DTWD2: variants seen among roughly 807,000 people sequenced by gnomAD.
DTWD2 encodes the protein tRNA-uridine aminocarboxypropyltransferase 2.
DTWD2 carries 39 observed loss-of-function variants against 31.8 expected under a neutral mutation model. The observed-to-expected ratio is 1.22, with a 90% CI of 0.95 to 1.60. DTWD2 has a LOEUF of 1.60. DTWD2 is among the 40% of genes most tolerant of loss of function. The pLI is 0.00. For missense variants in DTWD2, 515 were observed against 381.5 expected, an observed-to-expected ratio of 1.35 and a Z score of -2.92; for synonymous variants, 180 against 142.8, an observed-to-expected ratio of 1.26 and a Z score of -1.86.
intron 4 of DTWD2, among the ~76,000 whole-genome samples, chr5:118,855,510 C>G (rs1369219433): frequency 6.6e-6 from 1 of 151,580 alleles, no homozygotes; most frequent in African/African-American, 2.4e-5. Context: ...GTATATTATA[C>G]CAATAAAGAA....
chr5:118,867,589 T>C (rs1305366205), intron 4 of DTWD2, among the ~76,000 whole-genome samples: 1 of 152,194 alleles, frequency 6.6e-6, no homozygotes, highest in East Asian at 1.9e-4. Flanking sequence ...CTTAACTAAA[T>C]ATTATGGAAG....
At position 118,944,580 on chromosome 5, in the gene DTWD2, G is replaced by C; in HGVS notation, c.288C>G (p.Tyr96Ter). The change falls in exon 2 of 6, where the codon TAC becomes TAG. Residue 96 changes from tyrosine to a stop codon, truncating the protein, a stop_gained. Coordinates refer to ENST00000510708, the MANE Select transcript of DTWD2 (RefSeq NM_173666.4). LOFTEE classifies it high-confidence loss of function. ...AHPLHISTHL[Y>*]IIQHPAEENK... ...TTACCTCTGCTGGATGCTGAATTAT[G>C]TACAAGTGGGTAGAGATATGCAGAG... 1 of 1,613,474 alleles carries C rather than the reference G, an allele frequency of 6.2e-7. No individual in the cohort carries two copies. The highest frequency in any genetic ancestry group is 8.5e-7 in the Non-Finnish European group (1 of 1,179,680).
At chr5:118,943,799 C>T (rs576124580) in intron 2 of DTWD2, among the ~76,000 whole-genome samples, 61 of 152,186 alleles carry the variant, frequency 4.0e-4, no homozygotes, top group Middle Eastern at 3.4e-3. Flanking sequence ...TTCTTTTATA[C>T]CTCTGTTAAA....
At chr5:118,849,262 A>G (rs1309285156) in intron 4 of DTWD2, among the ~76,000 whole-genome samples, 1 of 152,210 alleles carries the variant, frequency 6.6e-6, no homozygotes, top group Non-Finnish European at 1.5e-5. Context: ...GTGGCCAACA[A>G]ACATAAGAAA....
At chr5:118,888,669 A>G (rs77798420) in intron 4 of DTWD2, among the ~76,000 whole-genome samples, 3,622 of 152,308 alleles carry the variant, frequency 0.024, 61 homozygotes, top group Non-Finnish European at 0.027. Context: ...TAACTTTTCA[A>G]GAAACTGCCA....
chr5:118,942,959 C>A (rs1754240225), intron 2 of DTWD2, among the ~76,000 whole-genome samples: 1 of 152,118 alleles, frequency 6.6e-6, no homozygotes, highest in Non-Finnish European at 1.5e-5. Flanking sequence ...TACACCACCA[C>A]ACTTGGCTAA....
At chr5:118,938,574 C>T (rs1754096604) in intron 3 of DTWD2, among the ~76,000 whole-genome samples, 1 of 151,940 alleles carries the variant, frequency 6.6e-6, no homozygotes, top group African/African-American at 2.4e-5. Context: ...ACTGGCCAGG[C>T]CCAGTGGCTC....
chr5:118,870,112 C>T (rs1045077281), intron 4 of DTWD2, among the ~76,000 whole-genome samples: 3 of 152,156 alleles, frequency 2.0e-5, no homozygotes, highest in Non-Finnish European at 2.9e-5. Flanking sequence ...CAACACTGTG[C>T]TTTGTGTACA....
intron 2 of DTWD2, among the ~76,000 whole-genome samples, chr5:118,941,001 AG>A (rs1754165890): frequency 6.6e-6 from 1 of 152,146 alleles, no homozygotes; most frequent in African/African-American, 2.4e-5. Flanking sequence ...TTTTACCCTT[AG>A]GTAATTTTAC....
At chr5:118,881,747 A>C (rs1752747162) in intron 4 of DTWD2, among the ~76,000 whole-genome samples, 1 of 152,188 alleles carries the variant, frequency 6.6e-6, no homozygotes. Flanking sequence ...TGCCACTTTT[A>C]AAACCATCAG....
chr5:118,927,907 A>C (rs913864466), intron 4 of DTWD2, among the ~76,000 whole-genome samples: 9 of 152,158 alleles, frequency 5.9e-5, no homozygotes, highest in African/African-American at 2.2e-4. Context: ...TTAATAACCA[A>C]ACATGACAGT....
intron 5 of DTWD2, among the ~76,000 whole-genome samples, chr5:118,846,773 G>A (rs1394239742): frequency 7.2e-5 from 11 of 152,078 alleles, no homozygotes; most frequent in Non-Finnish European, 2.9e-5. Flanking sequence ...ATGGGAGTAG[G>A]TGACATGGTT....
At chr5:118,844,064 C>T (rs1470381786) in intron 5 of DTWD2, among the ~76,000 whole-genome samples, 1 of 152,212 alleles carries the variant, frequency 6.6e-6, no homozygotes, top group Non-Finnish European at 1.5e-5. Flanking sequence ...GCCTGAGTGA[C>T]TGCAAATCAG....
chr5:118,878,764 T>C (rs1252031614), intron 4 of DTWD2, among the ~76,000 whole-genome samples: 1 of 151,546 alleles, frequency 6.6e-6, no homozygotes, highest in Non-Finnish European at 1.5e-5. Context: ...AAATTATGCA[T>C]CCAAAAAAGG....
rs75537247 is a variant in DTWD2, at chr5:118,947,535, G to C, written c.219-2886C>G. On this transcript the variant is annotated intron_variant, in intron 1 of 5. Coordinates refer to ENST00000510708, the MANE Select transcript of DTWD2 (RefSeq NM_173666.4). ...GTCAAACTGCAGTCCCTACCATACAGCTGCCTTTCCTCCTCTCCCCTTCTC... is the reference window on the plus strand; with the variant it reads ...GTCAAACTGCAGTCCCTACCATACACCTGCCTTTCCTCCTCTCCCCTTCTC... Among the ~76,000 whole-genome samples, 265 of 152,240 alleles carry C rather than the reference G, an allele frequency of 1.7e-3. 2 individuals are homozygous for C. Among genetic ancestry groups the C allele is most frequent in the Middle Eastern group, 6.8e-3 (2 of 294 alleles).
chr5:118,946,014 T>C (rs996751289), intron 1 of DTWD2, among the ~76,000 whole-genome samples: 45 of 152,212 alleles, frequency 3.0e-4, no homozygotes, highest in African/African-American at 9.2e-4. Context: ...TAAGAAATGC[T>C]TATTAATAAA....
intron 4 of DTWD2, among the ~76,000 whole-genome samples, chr5:118,866,777 C>T (rs968544897): frequency 6.6e-6 from 1 of 151,684 alleles, no homozygotes; most frequent in Non-Finnish European, 1.5e-5. Flanking sequence ...ATTAGCCAGG[C>T]GTGATGGCAC....
chr5:118,872,884 G>C (rs1425096660), intron 4 of DTWD2, among the ~76,000 whole-genome samples: 1 of 152,224 alleles, frequency 6.6e-6, no homozygotes, highest in Admixed American at 6.5e-5. Flanking sequence ...CCCACAGAGG[G>C]ACTGGAATGA....
chr5:118,950,731 G>C (rs1379336530), intron 1 of DTWD2, among the ~76,000 whole-genome samples: 1 of 152,222 alleles, frequency 6.6e-6, no homozygotes, highest in East Asian at 1.9e-4. Flanking sequence ...TAGGCGTTTT[G>C]AAGTTCTTCT....
Sources: allele counts gnomAD v4.1 joint callset (sites outside exome capture counted in the v4.1 genomes callset), GRCh38; gene constraint gnomAD v4.1.1; transcripts MANE v1.5; gene names NCBI Gene and HGNC (gene_info 2026-07-23, HGNC 2026-07-21).